Variants in LIN52 observed in about 807,000 individuals in gnomAD.
LIN52 encodes the protein lin-52 DREAM MuvB core complex component.
LIN52 carries 4 observed loss-of-function variants against 18.5 expected under a neutral mutation model. The ratio of observed to expected loss-of-function variants is 0.22; its 90% CI spans 0.11 to 0.49. The LOEUF (loss-of-function observed/expected upper bound fraction) is 0.49, where lower values mean the gene tolerates loss of function less well. LIN52 is among the 20% of genes least tolerant of loss of function. The probability of loss-of-function intolerance (pLI) is 0.97; values close to 1 mark genes in which losing one functional copy is unlikely to be tolerated. For synonymous variants in LIN52, 34 were observed against 45.5 expected, an observed-to-expected ratio of 0.75 and a Z score of 1.02; for missense variants, 102 against 139.5, an observed-to-expected ratio of 0.73 and a Z score of 1.35.
At chr14:74,137,415 A>T (rs1327708117) in intron 5 of LIN52, among the ~76,000 whole-genome samples, 1 of 151,562 alleles carries the variant, frequency 6.6e-6, no homozygotes, top group Non-Finnish European at 1.5e-5. Context: ...TAAAACCAAG[A>T]TCCAGTCCAA....
At chr14:74,160,922 C>A (rs1162755319) in intron 5 of LIN52, among the ~76,000 whole-genome samples, 1 of 152,154 alleles carries the variant, frequency 6.6e-6, no homozygotes, top group African/African-American at 2.4e-5. Context: ...CAGGTTATTT[C>A]ATCTTTTGCG....
chr14:74,163,472 C>G lies in LIN52; in HGVS notation c.284-35450C>G, dbSNP rs192968067. Among the ~76,000 whole-genome samples the G allele has an allele frequency of 6.4e-3, 981 of 152,188 alleles. 6 individuals carry two copies. Among genetic ancestry groups the G allele is most frequent in the African/African-American group, 0.023 (942 of 41,508 alleles). On this transcript the variant is annotated intron_variant, in intron 5 of 5. Transcript: ENST00000555028. The stretch of plus-strand genomic sequence containing the variant: ...ATAGCTAACATTAGAAATGTAAAAA[C>G]AAAACCAAGGTAGGAGTGGGGGGGA...
chr14:74,128,204 G>A (rs1182884295), intron 5 of LIN52, among the ~76,000 whole-genome samples: 1 of 152,204 alleles, frequency 6.6e-6, no homozygotes, highest in African/African-American at 2.4e-5. Flanking sequence ...GGTGCAGGGA[G>A]AGGGACCCAG....
intron 5 of LIN52, among the ~76,000 whole-genome samples, chr14:74,178,477 C>T (rs534903503): frequency 7.4e-5 from 10 of 135,670 alleles, no homozygotes; most frequent in Non-Finnish European, 1.3e-4. Flanking sequence ...TTTTTTTTTG[C>T]GACAGATTCT....
At position 74,097,750 on chromosome 14, in the gene LIN52, T is replaced by G. The variant is rs568036894; in HGVS notation, c.133-44T>G. On this transcript the variant is annotated intron_variant, in intron 3 of 5. Transcript: ENST00000555028. ...TTCTTATAAGAATAATAGGGTCTCCTCACACTTTTTATGTGTCTGAATGGA... is the reference window on the plus strand; with the variant it reads ...TTCTTATAAGAATAATAGGGTCTCCGCACACTTTTTATGTGTCTGAATGGA... The G allele has an allele frequency of 1.1e-5, 16 of 1,409,174 alleles. No homozygotes were observed. In the South Asian group the frequency reaches 1.5e-4, roughly 13 times the overall value. The allele number at this position is 1,409,174 out of a possible 1,614,324, so 87.3% of individuals were successfully genotyped here.
At chr14:74,089,978 T>C (rs140898651) in intron 1 of LIN52, among the ~76,000 whole-genome samples, 23 of 150,172 alleles carry the variant, frequency 1.5e-4, no homozygotes, top group African/African-American at 5.1e-4. Flanking sequence ...TGGGTGCCTG[T>C]GACTCCCAAA....
chr14:74,191,149 G>A (rs970002634), intron 5 of LIN52, among the ~76,000 whole-genome samples: 8 of 152,208 alleles, frequency 5.3e-5, no homozygotes, highest in African/African-American at 9.6e-5. Context: ...ACAGGGAAAC[G>A]TTGCACATTC....
intron 5 of LIN52, among the ~76,000 whole-genome samples, chr14:74,137,794 G>A (rs2061106909): frequency 6.6e-6 from 1 of 151,994 alleles, no homozygotes; most frequent in South Asian, 2.1e-4. Context: ...CACCGCGCCT[G>A]GCCTCACAGT....
chr14:74,130,699 C>T (rs2061061129), intron 5 of LIN52, among the ~76,000 whole-genome samples: 2 of 145,938 alleles, frequency 1.4e-5, no homozygotes, highest in African/African-American at 5.1e-5. Flanking sequence ...AAGTGATTCT[C>T]GTGCCTCAGC....
At chr14:74,109,535 G>GTAAT (rs2060915021) in intron 5 of LIN52, among the ~76,000 whole-genome samples, 1 of 152,202 alleles carries the variant, frequency 6.6e-6, no homozygotes, top group South Asian at 2.1e-4. Flanking sequence ...TTCCATTGAT[G>GTAAT]TAATCTCTAT....
intron 5 of LIN52, among the ~76,000 whole-genome samples, chr14:74,175,907 G>A (rs1386315487): frequency 6.6e-6 from 1 of 151,886 alleles, no homozygotes; most frequent in Non-Finnish European, 1.5e-5. Context: ...TTGAGTTGAG[G>A]AGTACAGGAT....
chr14:74,091,466 C>T (rs1343462608), intron 2 of LIN52, among the ~76,000 whole-genome samples, 160 bp downstream of exon 2: 2 of 151,900 alleles, frequency 1.3e-5, no homozygotes, highest in Admixed American at 6.6e-5. Context: ...GTGACACTAA[C>T]GTTAATAAGT....
intron 1 of LIN52, among the ~76,000 whole-genome samples, chr14:74,087,207 A>G (rs1335110910): frequency 6.6e-6 from 1 of 151,974 alleles, no homozygotes; most frequent in African/African-American, 2.4e-5. Context: ...CGAGGTCAGG[A>G]GATCGAGACC....
intron 5 of LIN52, among the ~76,000 whole-genome samples, chr14:74,194,336 G>A (rs1324669726): frequency 2.0e-5 from 3 of 152,210 alleles, no homozygotes; most frequent in African/African-American, 4.8e-5. Context: ...CCAGAAGCAA[G>A]GCTAAATGTA....
chr14:74,197,058 T>A (rs1416259193), intron 5 of LIN52, among the ~76,000 whole-genome samples: 4 of 152,202 alleles, frequency 2.6e-5, no homozygotes, highest in Non-Finnish European at 4.4e-5. Context: ...CTTGGCATTA[T>A]TTGCATTAAG....
chr14:74,117,092 C>G (rs1367500204), intron 5 of LIN52, among the ~76,000 whole-genome samples: 1 of 152,124 alleles, frequency 6.6e-6, no homozygotes, highest in African/African-American at 2.4e-5. Context: ...CTTCTGTGGA[C>G]TGTTTCTAAA....
intron 5 of LIN52, among the ~76,000 whole-genome samples, chr14:74,110,872 A>G (rs963146518): frequency 6.6e-6 from 1 of 151,296 alleles, no homozygotes; most frequent in Non-Finnish European, 1.5e-5. Flanking sequence ...AGGCTGAGGC[A>G]GGAGAATGGC....
chr14:74,085,215 G>A (rs1339966636), intron 1 of LIN52: 12 of 396,342 alleles, frequency 3.0e-5, no homozygotes, highest in Admixed American at 9.0e-5. Flanking sequence ...GTGTGGAGGA[G>A]GGCACTAGGG....
intron 5 of LIN52, among the ~76,000 whole-genome samples, chr14:74,163,975 T>C (rs1193155498): frequency 6.9e-6 from 1 of 143,982 alleles, no homozygotes; most frequent in Non-Finnish European, 1.5e-5. Flanking sequence ...AGATGGGGTC[T>C]GTACTGAAAT....
Sources: allele counts gnomAD v4.1 joint callset (sites outside exome capture counted in the v4.1 genomes callset), GRCh38; gene constraint gnomAD v4.1.1; transcripts MANE v1.5; gene names NCBI Gene and HGNC (gene_info 2026-07-23, HGNC 2026-07-21).